Variants in CARMIL2 observed in about 807,000 individuals in gnomAD.
The protein encoded by CARMIL2 is capping protein regulator and myosin 1 linker 2, also known as capping protein, Arp2/3 and myosin-I linker protein 2.
Under a neutral mutation model 173.3 loss-of-function variants are expected in CARMIL2, and 96 were observed. That is an observed-to-expected ratio of 0.55 (90% CI 0.47 to 0.66). CARMIL2 has a LOEUF of 0.66. CARMIL2 is among the 30% of genes least tolerant of loss of function. CARMIL2 has a pLI of 0.00. For missense variants in CARMIL2, 1,771 were observed against 1,906.7 expected (o/e 0.93, Z 1.33); for synonymous variants, 830 against 817.1 (o/e 1.02, Z -0.27).
At position 67,653,692 on chromosome 16, in the gene CARMIL2, G is replaced by A. The variant is rs938405333; in HGVS notation, c.3120+438G>A. Reference sequence around the variant, plus strand: ...GCCCGCGGGGGCAGCGGGCACTGGCGGAGGGCGGGGAGGAGCCGGCTTGAG... The same window carrying A: ...GCCCGCGGGGGCAGCGGGCACTGGCAGAGGGCGGGGAGGAGCCGGCTTGAG... On this transcript the variant is annotated intron_variant, in intron 29 of 37. Coordinates refer to ENST00000334583, the MANE Select transcript of CARMIL2 (RefSeq NM_001013838.3). The surrounding 1 kb of genome is among the most constrained non-coding windows in gnomAD (Gnocchi z 7.4). Among the ~76,000 whole-genome samples the A allele has an allele frequency of 3.3e-5, 5 of 152,156 alleles. No homozygotes were observed. The highest frequency in any genetic ancestry group is 6.5e-5 in the Admixed American group (1 of 15,290).
chr16:67,657,385 T>C lies in CARMIL2; in HGVS notation c.4196-21T>C, dbSNP rs1417892974. ...TAGCCCAGCCCTGACCCTTCCTCTC[T>C]CTCCCTCCCTCCCCTCACAGGATCT... On this transcript the variant is annotated intron_variant, in intron 37 of 37. Coordinates refer to ENST00000334583, the MANE Select transcript of CARMIL2 (RefSeq NM_001013838.3). The surrounding 1 kb of genome is among the most constrained non-coding windows in gnomAD (Gnocchi z 4.5). 6.2e-7 allele frequency: 1 copy of C among 1,603,520 alleles called. No individual in the cohort carries two copies. Among genetic ancestry groups the C allele is most frequent in the South Asian group, 1.1e-5 (1 of 89,914 alleles).
Position 67,648,532 on chromosome 16 carries a change from C to A in CARMIL2, c.1439+30C>A. ...GTGTCGGACCCCGGCCACGCCCCCG[C>A]GGGCGCTCCCACCCTGCCCTGGCCT... On this transcript the variant is annotated intron_variant, in intron 15 of 37. Transcript: ENST00000334583. This position sits in a 1 kb window ranked among gnomAD's most constrained non-coding sequence, Gnocchi z 6.1. 1 of 1,454,890 alleles carries A rather than the reference C, an allele frequency of 6.9e-7. No homozygotes were observed. The allele number at this position is 1,454,890 out of a possible 1,614,324, so 90.1% of individuals were successfully genotyped here. A position where few individuals can be genotyped will look rare whatever the true frequency, so the allele number is the denominator to read the frequency against.
Position 67,648,336 on chromosome 16 carries a change from C to G in CARMIL2, c.1334+22C>G. The G allele has an allele frequency of 6.4e-7, 1 of 1,571,722 alleles. No homozygotes were observed. Among genetic ancestry groups the G allele is most frequent in the Non-Finnish European group, 8.6e-7 (1 of 1,167,224 alleles). ...GCACGTAAGGGGGACCTGTCGGGGC[C>G]GGGGGAGGCTGCTGGAAGCCGCCTC... On this transcript the variant is annotated intron_variant, in intron 14 of 37. Coordinates refer to ENST00000334583, the MANE Select transcript of CARMIL2 (RefSeq NM_001013838.3). The surrounding 1 kb of genome is among the most constrained non-coding windows in gnomAD (Gnocchi z 6.1).
At position 67,648,167 on chromosome 16, in the gene CARMIL2, G is replaced by A. The variant is rs1305293743; in HGVS notation, c.1187G>A (p.Arg396Lys). ...GCSVGGWMTG[R>K]ADWRAGRGGL... ...TCCGTGGGGGGATGGATGACCGGCA[G>A]GGCGGACTGGAGGGCGGGACGGGGA... is the stretch of plus-strand genomic sequence containing the variant. The change falls in exon 14 of 38, where the codon AGG (arginine) becomes AAG (lysine). Residue 396 changes from arginine (R) to lysine (K), a missense_variant. By Grantham distance (26) the Arg-to-Lys change is conservative. This residue lies in a region of CARMIL2 where 944 missense variants were observed against 975.6 expected (regional missense o/e 0.97). Transcript: ENST00000334583. The surrounding 1 kb of genome is among the most constrained non-coding windows in gnomAD (Gnocchi z 6.1). 1.2e-6 allele frequency: 2 copies of A among 1,611,572 alleles called. No individual in the cohort carries two copies. Among genetic ancestry groups the A allele is most frequent in the Non-Finnish European group, 1.7e-6 (2 of 1,179,090 alleles).
Position 67,657,476 on chromosome 16 carries a change from C to G in CARMIL2, c.4266C>G (p.Pro1422=). The change falls in exon 38 of 38, where the codon CCC becomes CCG. Residue 1422 remains proline, a synonymous_variant. Transcript: ENST00000334583. This position sits in a 1 kb window ranked among gnomAD's most constrained non-coding sequence, Gnocchi z 4.5. ...TEPSSPERSP[P]SPATDQRGGG... ...CCTCCAGCCCTGAGCGGAGCCCACCCTCCCCAGCCACAGACCAAAGAGGCG... is the reference window on the plus strand; with the variant it reads ...CCTCCAGCCCTGAGCGGAGCCCACCGTCCCCAGCCACAGACCAAAGAGGCG... The G allele has an allele frequency of 1.2e-6, 2 of 1,612,284 alleles. No individual in the cohort carries two copies. The highest frequency in any genetic ancestry group is 1.7e-4 in the Middle Eastern group (1 of 6,060).
chr16:67,656,799 A>G lies in CARMIL2; in HGVS notation c.4037-2A>G. 1 of 1,551,418 alleles carries G rather than the reference A, an allele frequency of 6.4e-7. No homozygotes were observed. The highest frequency in any genetic ancestry group is 8.7e-7 in the Non-Finnish European group (1 of 1,147,202). ...TACCCCTGATTCCCTGGCCTCCCTC[A>G]GATGGCCAGCTGAGGCCGAGGCCTC... is the stretch of plus-strand genomic sequence containing the variant. On this transcript the variant is annotated splice_acceptor_variant, in intron 35 of 37. Coordinates refer to ENST00000334583, the MANE Select transcript of CARMIL2 (RefSeq NM_001013838.3). LOFTEE classifies it high-confidence loss of function.
At chr16:67,647,244 G>A (rs1458705126) in intron 9 of CARMIL2, 53 bp downstream of exon 9, 5 of 1,611,100 alleles carry the variant, frequency 3.1e-6, no homozygotes, top group Non-Finnish European at 1.7e-6. Flanking sequence ...GGGCCAGGGT[G>A]CAGCCCGCTG....
Position 67,652,506 on chromosome 16 carries a change from G to A in CARMIL2, c.2852G>A (p.Ser951Asn), listed in dbSNP as rs571079217. ...DSPPQKWPEL[S>N]HGLHLVPFIH... is the part of the protein sequence containing the mutation. ...CCTCCACAGAAATGGCCTGAGCTCA[G>A]CCACGGTCTTCACCTGGTCCCCTTC... The change falls in exon 28 of 38, where the codon AGC (serine) becomes AAC (asparagine). Residue 951 changes from serine (S) to asparagine (N), a missense_variant. Ser to Asn is a conservative substitution (Grantham distance 46). Coordinates refer to ENST00000334583, the MANE Select transcript of CARMIL2 (RefSeq NM_001013838.3). This position sits in a 1 kb window ranked among gnomAD's most constrained non-coding sequence, Gnocchi z 4.7. 12 of 1,613,642 alleles carry A rather than the reference G, an allele frequency of 7.4e-6. No homozygotes were observed. The South Asian group carries it at 9.9e-5, about 13-fold the overall frequency.
chr16:67,650,666 C>A (rs1196727934), intron 22 of CARMIL2: 2 of 177,222 alleles, frequency 1.1e-5, no homozygotes, highest in African/African-American at 4.8e-5. Context: ...CGCTCACAAA[C>A]CCTGTTGTCT....
At position 67,647,302 on chromosome 16, in the gene CARMIL2, C is replaced by A; in HGVS notation, c.691C>A (p.Leu231Ile). 1.2e-6 allele frequency: 2 copies of A among 1,603,926 alleles called. No individual in the cohort carries two copies. Among genetic ancestry groups the A allele is most frequent in the Non-Finnish European group, 8.5e-7 (1 of 1,175,238 alleles). Residue 231 changes from leucine (L) to isoleucine (I), a missense_variant, in exon 10 of 38, where the codon CTT (leucine) becomes ATT (isoleucine). Transcript: ENST00000334583. ...GCCGCCGCCCTCTGCTTCTCAGAGC[C>A]TTGAGGTCTCAGAACAGATTCTGCA... ...CLSCVDMKLS[L>I]EVSEQILHMM...
In CARMIL2 at chr16:67,657,328, T is replaced by C. The variant is rs373989484; in HGVS notation, c.4195+12T>C. ...ATCCCCAAGCCTAGGTAAGAGGGGG[T>C]CCAGGCCAGCTGGGAGGGTGGCAGG... On this transcript the variant is annotated intron_variant, in intron 37 of 37. Coordinates refer to ENST00000334583, the MANE Select transcript of CARMIL2 (RefSeq NM_001013838.3). This position sits in a 1 kb window ranked among gnomAD's most constrained non-coding sequence, Gnocchi z 4.5. 4 of 1,612,798 alleles carry C rather than the reference T, an allele frequency of 2.5e-6. No individual in the cohort carries two copies. In the African/African-American group the frequency reaches 4.0e-5, roughly 16 times the overall value.
At position 67,652,179 on chromosome 16, in the gene CARMIL2, T is replaced by C; in HGVS notation, c.2677-20T>C. ...ATGGCTGAGGCCCTACCTGCCATCT[T>C]TGGCTGCTTGGTATTGCAGGTGGAG... On this transcript the variant is annotated intron_variant, in intron 26 of 37. Transcript: ENST00000334583. The surrounding 1 kb of genome is among the most constrained non-coding windows in gnomAD (Gnocchi z 4.7). 3 of 1,609,636 alleles carry C rather than the reference T, an allele frequency of 1.9e-6. No homozygotes were observed. Among genetic ancestry groups the C allele is most frequent in the Non-Finnish European group, 2.5e-6 (3 of 1,178,576 alleles).
In CARMIL2 at chr16:67,657,563, A is replaced by G. The variant is rs764250425; in HGVS notation, c.*45A>G. 2 of 1,613,984 alleles carry G rather than the reference A, an allele frequency of 1.2e-6. No individual in the cohort carries two copies. Among genetic ancestry groups the G allele is most frequent in the Non-Finnish European group, 1.7e-6 (2 of 1,179,868 alleles). On this transcript the variant is annotated 3_prime_UTR_variant, in exon 38 of 38. Coordinates refer to ENST00000334583, the MANE Select transcript of CARMIL2 (RefSeq NM_001013838.3). The surrounding 1 kb of genome is among the most constrained non-coding windows in gnomAD (Gnocchi z 4.5). ...ATGAGATTATTTTATTAAAAAACTC[A>G]AAGGAAGCAGAGTGTGGAGCGGTAT... is the stretch of plus-strand genomic sequence containing the variant.
Position 67,651,685 on chromosome 16 carries a change from G to T in CARMIL2, c.2428G>T (p.Asp810Tyr), listed in dbSNP as rs762235254. ...VGEVCRQDIQ[D>Y]FTQATLDTAR... is the part of the protein sequence containing the mutation. The stretch of plus-strand genomic sequence containing the variant: ...CATGCTCTGACTGACCTTTGTCTAG[G>T]ACTTCACTCAGGCCACACTGGACAC... The change falls in exon 25 of 38, where the codon GAC (aspartate) becomes TAC (tyrosine). Residue 810 changes from aspartate (D) to tyrosine (Y), a missense_variant and splice_region_variant. Around this residue, in one of 3 missense-constraint regions of CARMIL2, gnomAD observed 817 missense variants for 903.5 expected, o/e 0.90. Transcript: ENST00000334583. The surrounding 1 kb of genome is among the most constrained non-coding windows in gnomAD (Gnocchi z 4.2). 1 of 1,605,836 alleles carries T rather than the reference G, an allele frequency of 6.2e-7. No homozygotes were observed. Among genetic ancestry groups the T allele is most frequent in the Non-Finnish European group, 8.5e-7 (1 of 1,176,892 alleles).
In CARMIL2 at chr16:67,653,127, G is replaced by C. The variant is rs2052761334; in HGVS notation, c.2993G>C (p.Gly998Ala). 1.8e-6 allele frequency: 2 copies of C among 1,120,566 alleles called. No individual in the cohort carries two copies. Among genetic ancestry groups the C allele is most frequent in the African/African-American group, 3.4e-5 (2 of 59,464 alleles). The allele number at this position is 1,120,566 out of a possible 1,614,324, so 69.4% of individuals were successfully genotyped here. Reference sequence around the variant, plus strand: ...GGCTCTCCGAGCCCTGCCGCCCCTGGGCCCCCGGCCGGCCCGCTGCCCCGC... The same window carrying C: ...GGCTCTCCGAGCCCTGCCGCCCCTGCGCCCCCGGCCGGCCCGCTGCCCCGC... ...ARGSPSPAAPGPPAGPLPRMD... is the reference protein window; with the variant it reads ...ARGSPSPAAPAPPAGPLPRMD... The change falls in exon 29 of 38, where the codon GGG becomes GCG. Residue 998 changes from glycine (G) to alanine (A), a missense_variant. Around this residue, in one of 3 missense-constraint regions of CARMIL2, gnomAD observed 817 missense variants for 903.5 expected, o/e 0.90. Transcript: ENST00000334583. The surrounding 1 kb of genome is among the most constrained non-coding windows in gnomAD (Gnocchi z 7.4).
chr16:67,656,136 C>T lies in CARMIL2; in HGVS notation c.3742+69C>T, dbSNP rs2052848749. 1.9e-6 allele frequency: 3 copies of T among 1,606,926 alleles called. No individual in the cohort carries two copies. In the South Asian group the frequency reaches 3.3e-5, roughly 18 times the overall value. On this transcript the variant is annotated intron_variant, in intron 33 of 37. Transcript: ENST00000334583. Reference sequence around the variant, plus strand: ...GTCCTTATAGACAGCCCCCAAGGCACTTGCTCTCCTTGGGGAGGAAGGGGA... The same window carrying T: ...GTCCTTATAGACAGCCCCCAAGGCATTTGCTCTCCTTGGGGAGGAAGGGGA...
At position 67,654,350 on chromosome 16, in the gene CARMIL2, C is replaced by T; in HGVS notation, c.3240C>T (p.Asp1080=). ...CCCACAGCTGGGCCCCCGAGGAGGA[C>T]CCGGCCACTGAGGGGGGCGCCACTC... is the stretch of plus-strand genomic sequence containing the variant. ...QQDRLWAPEE[D]PATEGGATPV... is the part of the protein sequence containing the mutation. The change falls in exon 31 of 38, where the codon GAC becomes GAT. Residue 1080 remains aspartate, a synonymous_variant. Coordinates refer to ENST00000334583, the MANE Select transcript of CARMIL2 (RefSeq NM_001013838.3). 1 of 1,598,236 alleles carries T rather than the reference C, an allele frequency of 6.3e-7. No homozygotes were observed. The highest frequency in any genetic ancestry group is 8.5e-7 in the Non-Finnish European group (1 of 1,172,674).
Position 67,652,212 on chromosome 16 carries a change from C to T in CARMIL2, c.2690C>T (p.Ala897Val). 1 of 1,612,596 alleles carries T rather than the reference C, an allele frequency of 6.2e-7. No individual in the cohort carries two copies. The highest frequency in any genetic ancestry group is 8.5e-7 in the Non-Finnish European group (1 of 1,179,816). Reference protein sequence around the residue: ...AARDQLVESLAQQATVTMPPA... With the variant: ...AARDQLVESLVQQATVTMPPA... ...TTGGTATTGCAGGTGGAGAGTCTGG[C>T]TCAGCAGGCAACAGTGACAATGCCC... The change falls in exon 27 of 38, where the codon GCT (alanine) becomes GTT (valine). Residue 897 changes from alanine to valine, a missense_variant. Transcript: ENST00000334583. This position sits in a 1 kb window ranked among gnomAD's most constrained non-coding sequence, Gnocchi z 4.7.
At position 67,647,787 on chromosome 16, in the gene CARMIL2, G is replaced by A. The variant is rs764475394; in HGVS notation, c.958+21G>A. Reference sequence around the variant, plus strand: ...GCGAGGTAGGCTGGATGAGGGAGGGGGTGAGGGGAGGGGGGTGGGGGTCTG... The same window carrying A: ...GCGAGGTAGGCTGGATGAGGGAGGGAGTGAGGGGAGGGGGGTGGGGGTCTG... On this transcript the variant is annotated intron_variant, in intron 12 of 37. Coordinates refer to ENST00000334583, the MANE Select transcript of CARMIL2 (RefSeq NM_001013838.3). 7.0e-6 allele frequency: 9 copies of A among 1,277,474 alleles called. No homozygotes were observed. In the African/African-American group the frequency reaches 1.3e-4, roughly 19 times the overall value. 79.1% of individuals were successfully genotyped at this position (1,277,474 alleles called of 1,614,324 possible).
Sources: allele counts gnomAD v4.1 joint callset (sites outside exome capture counted in the v4.1 genomes callset), GRCh38; gene constraint gnomAD v4.1.1; regional missense constraint gnomAD v4.1.1; non-coding constraint Gnocchi (gnomAD v3.1); transcripts MANE v1.5; gene names NCBI Gene and HGNC (gene_info 2026-07-23, HGNC 2026-07-21).